The following CNTN5 variants were observed in gnomAD, a reference collection of about 807,000 sequenced individuals.
The protein encoded by CNTN5 is contactin-5.
Under a neutral mutation model 129.1 loss-of-function variants are expected in CNTN5, and 77 were observed. The observed-to-expected ratio is 0.60, with a 90% CI of 0.50 to 0.72. The LOEUF is 0.72. Ranked by LOEUF, CNTN5 falls within the 30% of genes least tolerant of loss-of-function variation. The pLI, the probability that CNTN5 is intolerant of heterozygous loss-of-function variation, is 0.00. For missense variants in CNTN5, 1,478 were observed against 1,328.8 expected (o/e 1.11, Z -1.75); for synonymous variants, 509 against 465.6 (o/e 1.09, Z -1.20).
At chr11:100,177,940 G>C (rs998963541) in intron 13 of CNTN5, among the ~76,000 whole-genome samples, 3 of 152,004 alleles carry the variant, frequency 2.0e-5, no homozygotes, top group Non-Finnish European at 4.4e-5. Flanking sequence ...TCCCCACCCT[G>C]TACTCAGCAT....
chr11:100,177,891 G>A (rs764517246), intron 13 of CNTN5, among the ~76,000 whole-genome samples: 71 of 152,022 alleles, frequency 4.7e-4, no homozygotes, highest in Non-Finnish European at 7.5e-4. Context: ...TGTTTTTCTC[G>A]TCCAAGTTCT....
chr11:99,134,749 C>A (rs1859131678), intron 1 of CNTN5, among the ~76,000 whole-genome samples: 1 of 151,990 alleles, frequency 6.6e-6, no homozygotes, highest in Non-Finnish European at 1.5e-5. Flanking sequence ...TCAAACAAAA[C>A]AAAATAAATT....
intron 8 of CNTN5, among the ~76,000 whole-genome samples, chr11:99,973,561 TTAAAAA>T (rs1321772014): frequency 6.6e-6 from 1 of 152,186 alleles, no homozygotes; most frequent in Admixed American, 6.5e-5. Context: ...AGTAAGGTAT[TTAAAAA>T]TAACCTTAAG....
chr11:99,218,308 A>C (rs1343183108), intron 1 of CNTN5, among the ~76,000 whole-genome samples: 1 of 151,998 alleles, frequency 6.6e-6, no homozygotes, highest in Non-Finnish European at 1.5e-5. Context: ...TCTAAATTTT[A>C]AGTTACTTTT....
intron 15 of CNTN5, among the ~76,000 whole-genome samples, chr11:100,206,033 G>C: frequency 6.6e-6 from 1 of 152,052 alleles, no homozygotes; most frequent in South Asian, 2.1e-4. Context: ...CTGAAGTAAA[G>C]CACTGTCTTT....
rs549903670 is a variant in CNTN5, at chr11:99,335,910, T to C, written c.-71+10426T>C. Reference sequence around the variant, plus strand: ...TGCCTGCAGGTGGACTGATTCACCATTGTGGACTGGGGCATTAACAGCATC... The same window carrying C: ...TGCCTGCAGGTGGACTGATTCACCACTGTGGACTGGGGCATTAACAGCATC... On this transcript the variant is annotated intron_variant, in intron 2 of 24. Coordinates refer to ENST00000524871, the MANE Select transcript of CNTN5 (RefSeq NM_014361.4). Among the ~76,000 whole-genome samples the C allele has an allele frequency of 2.0e-5, 3 of 152,180 alleles. No homozygotes were observed. In the South Asian group the frequency reaches 6.2e-4, roughly 32 times the overall value.
chr11:99,750,749 C>G (rs1160169059), intron 3 of CNTN5, among the ~76,000 whole-genome samples: 1 of 152,152 alleles, frequency 6.6e-6, no homozygotes, highest in Non-Finnish European at 1.5e-5. Flanking sequence ...ATCACACGAA[C>G]AATATCTTTC....
At chr11:99,921,589 T>C (rs1396805133) in intron 7 of CNTN5, among the ~76,000 whole-genome samples, 4 of 152,190 alleles carry the variant, frequency 2.6e-5, no homozygotes, top group Non-Finnish European at 5.9e-5. Context: ...TTCTCCATAA[T>C]GCTCCTAGCA....
chr11:100,189,163 G>A (rs763842754), intron 13 of CNTN5, among the ~76,000 whole-genome samples: 2 of 151,220 alleles, frequency 1.3e-5, no homozygotes, highest in Non-Finnish European at 2.9e-5. Flanking sequence ...CAATCAATCC[G>A]AAACCTCATC....
At chr11:99,410,240 T>C (rs1942330089) in intron 2 of CNTN5, among the ~76,000 whole-genome samples, 1 of 152,182 alleles carries the variant, frequency 6.6e-6, no homozygotes. Context: ...AAATTTAAGT[T>C]CAATACACAA....
chr11:99,926,063 G>C (rs1045587135), intron 7 of CNTN5, among the ~76,000 whole-genome samples: 6 of 152,122 alleles, frequency 3.9e-5, no homozygotes, highest in Admixed American at 1.3e-4. Flanking sequence ...ATTGTTGTCA[G>C]AATTAAGAGG....
intron 1 of CNTN5, among the ~76,000 whole-genome samples, chr11:99,290,889 T>C (rs912823041): frequency 6.6e-6 from 1 of 151,914 alleles, no homozygotes; most frequent in Non-Finnish European, 1.5e-5. Context: ...ACTTTGATAA[T>C]TATATATCAT....
At chr11:100,272,674 G>C (rs1408457662) in intron 18 of CNTN5, among the ~76,000 whole-genome samples, 1 of 152,170 alleles carries the variant, frequency 6.6e-6, no homozygotes, top group Non-Finnish European at 1.5e-5. Context: ...GGAAAACACA[G>C]AGGTTGGGCT....
intron 7 of CNTN5, among the ~76,000 whole-genome samples, chr11:99,919,161 T>C (rs779920472): frequency 6.6e-6 from 1 of 152,200 alleles, no homozygotes; most frequent in Non-Finnish European, 1.5e-5. Flanking sequence ...ATCCTGTCTT[T>C]ACGTGCTCTT....
chr11:99,879,868 A>G (rs1479886484), intron 6 of CNTN5, among the ~76,000 whole-genome samples: 1 of 152,202 alleles, frequency 6.6e-6, no homozygotes, highest in African/African-American at 2.4e-5. Context: ...CAAGAAGTCT[A>G]TGTCCTTAAC....
intron 2 of CNTN5, among the ~76,000 whole-genome samples, chr11:99,385,131 G>T (rs1940844004): frequency 6.6e-6 from 1 of 152,006 alleles, no homozygotes; most frequent in South Asian, 2.1e-4. Flanking sequence ...CTTTCCTCTA[G>T]TAGTTATCAT....
intron 1 of CNTN5, among the ~76,000 whole-genome samples, chr11:99,081,539 C>T (rs1412454923): frequency 2.6e-5 from 4 of 152,098 alleles, no homozygotes; most frequent in Non-Finnish European, 4.4e-5. Flanking sequence ...CAATCTCATA[C>T]CTAAACAATG....
intron 2 of CNTN5, among the ~76,000 whole-genome samples, chr11:99,351,391 T>C (rs1475992111): frequency 2.0e-5 from 3 of 152,236 alleles, no homozygotes; most frequent in African/African-American, 7.2e-5. Context: ...GTGCAGGCTC[T>C]GTGGGATGGA....
chr11:99,468,228 G>C (rs1466641790), intron 2 of CNTN5, among the ~76,000 whole-genome samples: 4 of 152,088 alleles, frequency 2.6e-5, no homozygotes, highest in Admixed American at 1.3e-4. Context: ...TCCCTTTCTA[G>C]TGTCTGATAA....
Sources: allele counts gnomAD v4.1 joint callset (sites outside exome capture counted in the v4.1 genomes callset), GRCh38; gene constraint gnomAD v4.1.1; transcripts MANE v1.5; gene names NCBI Gene and HGNC (gene_info 2026-07-23, HGNC 2026-07-21).